PTPRQ: variants seen among roughly 807,000 people sequenced by gnomAD.
The protein encoded by PTPRQ is phosphatidylinositol phosphatase PTPRQ.
Under a neutral mutation model 246.0 loss-of-function variants are expected in PTPRQ, and 199 were observed. The ratio of observed to expected loss-of-function variants is 0.81; its 90% CI spans 0.72 to 0.91. The LOEUF (loss-of-function observed/expected upper bound fraction) is 0.91. PTPRQ is among the 40% of genes least tolerant of loss of function. PTPRQ has a pLI of 0.00. For synonymous variants in PTPRQ, 869 were observed against 853.2 expected, an observed-to-expected ratio of 1.02 and a Z score of -0.32; for missense variants, 2,624 against 2,528.4, an observed-to-expected ratio of 1.04 and a Z score of -0.81.
chr12:80,651,972 A>C lies in PTPRQ; in HGVS notation c.6025-772A>C, dbSNP rs145540730. Reference sequence around the variant, plus strand: ...TATCCAATTAAAAGAAATAATTTATATTGATGTTGAAAAATTGTTAAAACA... The same window carrying C: ...TATCCAATTAAAAGAAATAATTTATCTTGATGTTGAAAAATTGTTAAAACA... On this transcript the variant is annotated intron_variant, in intron 37 of 44. Transcript: ENST00000644991. 1.5e-4 allele frequency among the ~76,000 whole-genome samples: 23 copies of C among 152,210 alleles called. No individual in the cohort carries two copies. In the East Asian group the frequency reaches 4.4e-3, roughly 29 times the overall value.
At position 80,496,513 on chromosome 12, in the gene PTPRQ, G is replaced by C. The variant is rs1343056571; in HGVS notation, c.2254G>C (p.Val752Leu). The part of the protein sequence containing the change: ...HGNQVSSLLS[V>L]RTSETVPDSA... ...CAATCAGGTATCTTCTTTACTCTCTGTAAGGACTTCGGAGACTGGTGAGCT... is the reference window on the plus strand; with the variant it reads ...CAATCAGGTATCTTCTTTACTCTCTCTAAGGACTTCGGAGACTGGTGAGCT... The change falls in exon 14 of 45, where the codon GTA becomes CTA. Residue 752 changes from valine (V) to leucine (L), a missense_variant. By Grantham distance (32) the Val-to-Leu change is conservative (BLOSUM62 1). Coordinates refer to ENST00000644991, the MANE Select transcript of PTPRQ (RefSeq NM_001145026.2). 1.9e-6 allele frequency: 3 copies of C among 1,542,014 alleles called. No homozygotes were observed. The highest frequency in any genetic ancestry group is 2.6e-6 in the Non-Finnish European group (3 of 1,144,214).
chr12:80,640,162 A>G (rs1033397099), intron 35 of PTPRQ, among the ~76,000 whole-genome samples: 1 of 152,062 alleles, frequency 6.6e-6, no homozygotes, highest in Non-Finnish European at 1.5e-5. Context: ...TATGATGAGA[A>G]TGAGTCTAAA....
At chr12:80,620,819 TCTG>T (rs1207886416) in intron 32 of PTPRQ, among the ~76,000 whole-genome samples, 1 of 151,846 alleles carries the variant, frequency 6.6e-6, no homozygotes, top group African/African-American at 2.4e-5. Flanking sequence ...ACAATAACTC[TCTG>T]CTTTTTATCT....
In PTPRQ at chr12:80,587,375, G is replaced by T. The variant is rs186874531; in HGVS notation, c.4286-754G>T. ...ACAAAGAAAGGCATGGTTAAGAAGA[G>T]TTCCAATATCACTTAATTGATTGCT... On this transcript the variant is annotated intron_variant, in intron 25 of 44. Coordinates refer to ENST00000644991, the MANE Select transcript of PTPRQ (RefSeq NM_001145026.2). Among the ~76,000 whole-genome samples the T allele has an allele frequency of 1.7e-3, 260 of 152,272 alleles. 1 individual carries two copies. The highest frequency in any genetic ancestry group is 2.7e-3 in the Non-Finnish European group (184 of 68,010).
intron 35 of PTPRQ, among the ~76,000 whole-genome samples, chr12:80,642,954 G>T (rs1022825233): frequency 1.4e-5 from 2 of 142,702 alleles, no homozygotes; most frequent in Admixed American, 7.0e-5. Flanking sequence ...AAACAATTGA[G>T]TATCTCTCAA....
At chr12:80,652,483 C>T (rs1451324094) in intron 37 of PTPRQ, among the ~76,000 whole-genome samples, 5 of 152,104 alleles carry the variant, frequency 3.3e-5, no homozygotes, top group Admixed American at 2.6e-4. Flanking sequence ...AACATGGTTG[C>T]CACATCTTAA....
intron 25 of PTPRQ, among the ~76,000 whole-genome samples, chr12:80,582,063 A>G (rs1402978570): frequency 6.6e-6 from 1 of 152,188 alleles, no homozygotes; most frequent in Non-Finnish European, 1.5e-5. Context: ...ACTCACACAT[A>G]TGTGTGGAAT....
intron 8 of PTPRQ, among the ~76,000 whole-genome samples, chr12:80,478,516 C>A (rs1893906688): frequency 6.6e-6 from 1 of 152,178 alleles, no homozygotes; most frequent in Non-Finnish European, 1.5e-5. Flanking sequence ...AGCAATGGAA[C>A]AAAGCTGGAC....
intron 35 of PTPRQ, among the ~76,000 whole-genome samples, chr12:80,648,549 C>CA (rs1476631177): frequency 6.6e-6 from 1 of 152,020 alleles, no homozygotes; most frequent in Admixed American, 6.6e-5. Flanking sequence ...TTAAAATCCA[C>CA]ATTAGCTCTT....
intron 39 of PTPRQ, among the ~76,000 whole-genome samples, chr12:80,660,823 C>A (rs952370269): frequency 3.9e-5 from 6 of 152,084 alleles, no homozygotes; most frequent in Non-Finnish European, 8.8e-5. Flanking sequence ...AAATCAAAAT[C>A]AATTTATTAA....
At chr12:80,568,666 C>G (rs980107171) in intron 25 of PTPRQ, among the ~76,000 whole-genome samples, 1 of 152,184 alleles carries the variant, frequency 6.6e-6, no homozygotes, top group Non-Finnish European at 1.5e-5. Context: ...TTTTGTTGCT[C>G]TGCTACCATC....
At chr12:80,590,462 T>A (rs1298049263) in intron 26 of PTPRQ, among the ~76,000 whole-genome samples, 2 of 151,886 alleles carry the variant, frequency 1.3e-5, no homozygotes, top group Non-Finnish European at 2.9e-5. Flanking sequence ...GGTCAGGAGA[T>A]CGAGACTATC....
chr12:80,587,203 T>C (rs1326751105), intron 25 of PTPRQ, among the ~76,000 whole-genome samples: 1 of 152,340 alleles, frequency 6.6e-6, no homozygotes, highest in Non-Finnish European at 1.5e-5. Context: ...AATATATCTT[T>C]AGAGATCAAT....
chr12:80,673,358 A>T (rs1941692244), intron 43 of PTPRQ, 54 bp downstream of exon 43: 6 of 1,516,226 alleles, frequency 4.0e-6, no homozygotes, highest in Non-Finnish European at 5.3e-6. Context: ...TCCACATGGG[A>T]GATCTTAGTG....
rs563497053 is a variant in PTPRQ, at chr12:80,617,801, G to A, written c.5230+1535G>A. On this transcript the variant is annotated intron_variant, in intron 30 of 44. Transcript: ENST00000644991. ...AATATTCAATTGGTAGTAGTCTCATGAAATTTGCATTTGACAGATATTATG... is the reference window on the plus strand; with the variant it reads ...AATATTCAATTGGTAGTAGTCTCATAAAATTTGCATTTGACAGATATTATG... Among the ~76,000 whole-genome samples, 18 of 151,566 alleles carry A rather than the reference G, an allele frequency of 1.2e-4. 1 individual carries two copies. The South Asian group carries it at 3.3e-3, about 28-fold the overall frequency.
Position 80,669,440 on chromosome 12 carries a change from T to G in PTPRQ, c.6429T>G (p.Thr2143=). The part of the protein sequence containing the change: ...KLMEDVQIDW[T]IRDLKIERHG... ...TGGAGGATGTTCAAATAGATTGGAC[T>G]ATCAGGGATCTGAAAATTGAAAGGG... Residue 2143 remains threonine (T), a synonymous_variant, in exon 41 of 45, where the codon ACT becomes ACG. Coordinates refer to ENST00000644991, the MANE Select transcript of PTPRQ (RefSeq NM_001145026.2). 6.5e-7 allele frequency: 1 copy of G among 1,546,718 alleles called. No homozygotes were observed. Among genetic ancestry groups the G allele is most frequent in the Non-Finnish European group, 8.7e-7 (1 of 1,145,006 alleles).
At chr12:80,566,534 T>C (rs1218923860) in intron 25 of PTPRQ, among the ~76,000 whole-genome samples, 1 of 152,110 alleles carries the variant, frequency 6.6e-6, no homozygotes, top group Non-Finnish European at 1.5e-5. Context: ...ACGCTACTTT[T>C]GTGTTTTCAT....
At chr12:80,505,988 A>G (rs976851647) in intron 14 of PTPRQ, 36 bp from the exon 15 acceptor site, 4 of 1,519,462 alleles carry the variant, frequency 2.6e-6, no homozygotes, top group African/African-American at 2.8e-5. Context: ...TTTAGAATGG[A>G]ATTGTTTTAT....
chr12:80,537,032 T>G (rs1418525400), intron 19 of PTPRQ, among the ~76,000 whole-genome samples: 1 of 152,226 alleles, frequency 6.6e-6, no homozygotes, highest in Admixed American at 6.5e-5. Flanking sequence ...CACCTGGGTG[T>G]GTAATATGAT....
Sources: allele counts gnomAD v4.1 joint callset (sites outside exome capture counted in the v4.1 genomes callset), GRCh38; gene constraint gnomAD v4.1.1; transcripts MANE v1.5; gene names NCBI Gene and HGNC (gene_info 2026-07-23, HGNC 2026-07-21).